Variants in NBEAL1 observed in about 807,000 individuals in gnomAD.
NBEAL1 encodes neurobeachin-like protein 1.
Under a neutral mutation model 351.3 loss-of-function variants are expected in NBEAL1, and 273 were observed. The ratio of observed to expected loss-of-function variants is 0.78; its 90% confidence interval spans 0.70 to 0.86. The LOEUF (loss-of-function observed/expected upper bound fraction) is 0.86, where lower values mean the gene tolerates loss of function less well. Ranked by LOEUF, NBEAL1 falls within the 40% of genes least tolerant of loss-of-function variation. The pLI, the probability that NBEAL1 is intolerant of heterozygous loss-of-function variation, is 0.00. For missense variants in NBEAL1, 2,961 were observed against 3,201.3 expected (o/e 0.92, Z 1.81); for synonymous variants, 1,050 against 1,086.4 (o/e 0.97, Z 0.66).
intron 7 of NBEAL1, among the ~76,000 whole-genome samples, chr2:203,069,149 C>T (rs2061640110): frequency 1.3e-5 from 2 of 152,206 alleles, no homozygotes; most frequent in Admixed American, 1.3e-4. Flanking sequence ...AATTTGCAGA[C>T]TATAAAAGGA....
intron 38 of NBEAL1, 120 bp from the exon 39 acceptor site, chr2:203,169,627 C>G (rs1255854389): frequency 1.9e-6 from 1 of 520,778 alleles, no homozygotes; most frequent in Non-Finnish European, 3.4e-6. Flanking sequence ...ACAAAACACA[C>G]AACACTAAGT....
At chr2:203,154,586 C>T (rs1182424083) in intron 35 of NBEAL1, among the ~76,000 whole-genome samples, 3 of 152,084 alleles carry the variant, frequency 2.0e-5, no homozygotes, top group African/African-American at 7.2e-5. Flanking sequence ...ACCTGCAAAG[C>T]TAACCATGAT....
At chr2:203,100,609 C>T (rs1003629012) in intron 12 of NBEAL1, among the ~76,000 whole-genome samples, 7 of 149,676 alleles carry the variant, frequency 4.7e-5, no homozygotes, top group African/African-American at 1.2e-4. Flanking sequence ...TGCAGTAGCA[C>T]GATCTCAGCT....
At chr2:203,173,486 C>G (rs2064386434) in intron 41 of NBEAL1, among the ~76,000 whole-genome samples, 2 of 152,032 alleles carry the variant, frequency 1.3e-5, no homozygotes, top group African/African-American at 4.8e-5. Flanking sequence ...AAGGACAAAA[C>G]TATTTTACAC....
chr2:203,066,421 A>G (rs2061587555), intron 6 of NBEAL1, among the ~76,000 whole-genome samples: 1 of 152,032 alleles, frequency 6.6e-6, no homozygotes, highest in Non-Finnish European at 1.5e-5. Context: ...CAGCATCCCA[A>G]GGCACAAGAA....
At chr2:203,196,327 A>C (rs2065240084) in intron 47 of NBEAL1, among the ~76,000 whole-genome samples, 1 of 152,186 alleles carries the variant, frequency 6.6e-6, no homozygotes, top group Non-Finnish European at 1.5e-5. Flanking sequence ...TAAAGAACAC[A>C]ATAGATTTCC....
At chr2:203,180,164 G>A (rs2064660241) in intron 42 of NBEAL1, among the ~76,000 whole-genome samples, 1 of 152,132 alleles carries the variant, frequency 6.6e-6, no homozygotes, top group Non-Finnish European at 1.5e-5. Flanking sequence ...GGTGCTACTG[G>A]TGATTAAAAT....
chr2:203,112,197 C>A, intron 16 of NBEAL1, 99 bp downstream of exon 16: 1 of 1,275,956 alleles, frequency 7.8e-7, no homozygotes, highest in Non-Finnish European at 1.0e-6. Flanking sequence ...AAATATGTGG[C>A]CCCAGATTTT....
chr2:203,024,513 C>T (rs1039433026), intron 2 of NBEAL1, among the ~76,000 whole-genome samples: 2 of 150,094 alleles, frequency 1.3e-5, no homozygotes, highest in Non-Finnish European at 3.0e-5. Flanking sequence ...ATTTGTGCCA[C>T]TGCACTCCAG....
At chr2:203,201,752 T>G (rs772658613) in intron 50 of NBEAL1, 37 bp downstream of exon 50, 2 of 1,522,524 alleles carry the variant, frequency 1.3e-6, no homozygotes, top group African/African-American at 2.8e-5. Flanking sequence ...TGCTCAAAAA[T>G]TTTCTTTTTT....
intron 8 of NBEAL1, among the ~76,000 whole-genome samples, chr2:203,081,936 A>G (rs1351793463): frequency 1.3e-5 from 2 of 152,208 alleles, no homozygotes; most frequent in South Asian, 4.1e-4. Context: ...CCCTGTCTCT[A>G]CAAAAAAGTT....
chr2:203,119,961 C>T (rs2062793027), intron 18 of NBEAL1, among the ~76,000 whole-genome samples: 1 of 152,110 alleles, frequency 6.6e-6, no homozygotes, highest in Admixed American at 6.5e-5. Flanking sequence ...GGTATTTAAT[C>T]ATTCATTTGC....
intron 25 of NBEAL1, among the ~76,000 whole-genome samples, chr2:203,131,416 A>G (rs896620386): frequency 6.6e-5 from 10 of 152,060 alleles, no homozygotes; most frequent in Admixed American, 2.0e-4. Flanking sequence ...GGGTTTCACT[A>G]TGTTGGCCAG....
intron 42 of NBEAL1, among the ~76,000 whole-genome samples, chr2:203,180,127 G>A (rs1474845344): frequency 3.3e-5 from 5 of 152,148 alleles, no homozygotes; most frequent in Admixed American, 2.0e-4. Context: ...TCTCCAGTGT[G>A]ATTTGGTTTT....
intron 8 of NBEAL1, among the ~76,000 whole-genome samples, chr2:203,081,858 T>C (rs1574943538): frequency 6.6e-6 from 1 of 152,108 alleles, no homozygotes; most frequent in Non-Finnish European, 1.5e-5. Flanking sequence ...GCCCAGAACT[T>C]TGGGAGACTG....
At chr2:203,190,821 C>T in intron 46 of NBEAL1, 4 of 1,611,002 alleles carry the variant, frequency 2.5e-6, no homozygotes, top group Non-Finnish European at 3.4e-6. Flanking sequence ...AAGTCGTATA[C>T]CTGAGGTGCA....
chr2:203,107,319 TAA>T, intron 12 of NBEAL1, 99 bp from the exon 13 acceptor site: 1 of 543,248 alleles, frequency 1.8e-6, no homozygotes, highest in Non-Finnish European at 3.2e-6. Flanking sequence ...TATTTAATAT[TAA>T]GTTAATTAGC....
chr2:203,044,609 T>C (rs1286412611), intron 3 of NBEAL1, among the ~76,000 whole-genome samples: 1 of 152,228 alleles, frequency 6.6e-6, no homozygotes, highest in African/African-American at 2.4e-5. Flanking sequence ...ATTTGTGATA[T>C]AGTTTGTTTA....
At chr2:203,025,387 C>T (rs1043526467) in intron 2 of NBEAL1, among the ~76,000 whole-genome samples, 2 of 152,064 alleles carry the variant, frequency 1.3e-5, no homozygotes, top group Admixed American at 6.5e-5. Flanking sequence ...CTGATAACTC[C>T]GAGCATTCTC....
Sources: gnomAD v4.1 joint callset for allele counts (sites outside exome capture counted in the v4.1 genomes callset) on GRCh38, gnomAD v4.1.1 for gene constraint, MANE v1.5 for transcripts, NCBI Gene and HGNC (gene_info 2026-07-23, HGNC 2026-07-21) for gene names.